Variants in SHTN1 observed in about 807,000 individuals in gnomAD.
SHTN1 encodes the protein shootin 1.
In SHTN1, 42 loss-of-function variants were observed where a neutral mutation model predicts 83.1. That is an observed-to-expected ratio of 0.51 (90% CI 0.39 to 0.65). The LOEUF (loss-of-function observed/expected upper bound fraction) is 0.65, where lower values mean the gene tolerates loss of function less well. SHTN1 is among the 30% of genes least tolerant of loss of function. The pLI is 0.00. For missense variants in SHTN1, 622 were observed against 737.8 expected (o/e 0.84, Z 1.82); for synonymous variants, 224 against 247.7 (o/e 0.90, Z 0.90).
chr10:117,065,233 T>C (rs1029934604), intron 1 of SHTN1, among the ~76,000 whole-genome samples: 2 of 152,112 alleles, frequency 1.3e-5, no homozygotes, highest in African/African-American at 4.8e-5. Flanking sequence ...AGATGACGGG[T>C]TGATAAGTGT....
chr10:117,122,352 T>G (rs917776305), intron 1 of SHTN1, among the ~76,000 whole-genome samples: 4 of 152,116 alleles, frequency 2.6e-5, no homozygotes, highest in Non-Finnish European at 5.9e-5. Flanking sequence ...GCTAACGTTT[T>G]TATTTTTGGT....
chr10:116,943,291 G>A (rs1249804315), intron 8 of SHTN1, among the ~76,000 whole-genome samples: 2 of 152,114 alleles, frequency 1.3e-5, no homozygotes, highest in African/African-American at 4.8e-5. Context: ...TGTCTTCTCT[G>A]CTACCACATG....
intron 1 of SHTN1, among the ~76,000 whole-genome samples, chr10:117,082,354 G>C (rs1314396833): frequency 6.8e-5 from 10 of 146,280 alleles, no homozygotes; most frequent in Non-Finnish European, 7.5e-5. Context: ...TTTTGAGTGA[G>C]ATTCTTAATC....
chr10:116,954,102 T>C lies in SHTN1; in HGVS notation c.376A>G (p.Thr126Ala). ...EINIDDEDST[T>A]DTDGAAETCV... ...GTCTCGGCGGCACCGTCTGTGTCTG[T>C]AGTCGAATCTTCATCATCAATGTTT... is the stretch of plus-strand genomic sequence containing the variant. Residue 126 changes from threonine to alanine, a missense_variant, in exon 5 of 17, where the codon ACA (threonine) becomes GCA (alanine). By Grantham distance (58) the Thr-to-Ala change is moderately conservative. Transcript: ENST00000355371. 5 of 1,613,988 alleles carry C rather than the reference T, an allele frequency of 3.1e-6. No individual in the cohort carries two copies. The highest frequency in any genetic ancestry group is 2.2e-5 in the East Asian group (1 of 44,892).
intron 11 of SHTN1, among the ~76,000 whole-genome samples, chr10:116,925,500 T>C (rs953819291): frequency 2.0e-5 from 3 of 152,208 alleles, no homozygotes; most frequent in South Asian, 2.1e-4. Context: ...ATTGACACTT[T>C]TGGGTGTCCA....
At chr10:116,910,921 T>A (rs916061012) in intron 14 of SHTN1, among the ~76,000 whole-genome samples, 7 of 152,246 alleles carry the variant, frequency 4.6e-5, no homozygotes. Flanking sequence ...GGGTTAAGTC[T>A]ACTGTTTAAA....
At chr10:117,076,145 T>C (rs1853149704) in intron 1 of SHTN1, among the ~76,000 whole-genome samples, 1 of 141,350 alleles carries the variant, frequency 7.1e-6, no homozygotes, top group Admixed American at 7.5e-5. Context: ...ATTGTTCCAC[T>C]GCACTCCAGC....
chr10:117,124,588 C>A (rs575049323), intron 1 of SHTN1, among the ~76,000 whole-genome samples: 1 of 152,094 alleles, frequency 6.6e-6, no homozygotes, highest in Non-Finnish European at 1.5e-5. Flanking sequence ...GCCTGGCCAA[C>A]GTGGTGAAAC....
At chr10:117,107,928 C>G (rs970146337) in intron 1 of SHTN1, among the ~76,000 whole-genome samples, 1 of 152,108 alleles carries the variant, frequency 6.6e-6, no homozygotes, top group Non-Finnish European at 1.5e-5. Flanking sequence ...TGGACTCAAG[C>G]GATCCTCCCA....
intron 1 of SHTN1, among the ~76,000 whole-genome samples, chr10:117,124,768 C>T (rs1291445430): frequency 3.3e-5 from 5 of 152,060 alleles, no homozygotes; most frequent in Admixed American, 3.3e-4. Context: ...AGTGAGACTC[C>T]GTCTCAAAAA....
At chr10:117,122,525 T>C (rs77915700) in intron 1 of SHTN1, among the ~76,000 whole-genome samples, 3,622 of 152,216 alleles carry the variant, frequency 0.024, 127 homozygotes, top group East Asian at 0.12. Context: ...TTGAAACAGG[T>C]ATATGAAAAA....
At chr10:116,934,473 G>T (rs1849082431) in intron 9 of SHTN1, among the ~76,000 whole-genome samples, 1 of 152,164 alleles carries the variant, frequency 6.6e-6, no homozygotes, top group African/African-American at 2.4e-5. Flanking sequence ...AGATCAGATG[G>T]TTGTAGATGT....
intron 2 of SHTN1, among the ~76,000 whole-genome samples, chr10:117,042,871 C>T (rs1218322179): frequency 6.6e-6 from 1 of 152,142 alleles, no homozygotes; most frequent in Non-Finnish European, 1.5e-5. Flanking sequence ...CCGCCTCAGC[C>T]TCCCAAAGTG....
intron 1 of SHTN1, among the ~76,000 whole-genome samples, chr10:117,125,782 C>G (rs989123746): frequency 2.0e-5 from 3 of 152,186 alleles, no homozygotes; most frequent in Non-Finnish European, 4.4e-5. Context: ...TGCTCCCACT[C>G]CACTGTGCTT....
chr10:117,032,242 C>T (rs1206755641), intron 2 of SHTN1, among the ~76,000 whole-genome samples: 1 of 152,156 alleles, frequency 6.6e-6, no homozygotes. Context: ...CTCACTCTGT[C>T]GCCCAGGCTG....
chr10:117,001,710 A>G (rs1478284677), intron 1 of SHTN1, among the ~76,000 whole-genome samples: 2 of 152,220 alleles, frequency 1.3e-5, no homozygotes, highest in Non-Finnish European at 2.9e-5. Context: ...AATGTATTAT[A>G]TATTTCAAAA....
chr10:116,968,648 G>A lies in SHTN1; in HGVS notation c.172+4C>T, dbSNP rs774509101. The A allele has an allele frequency of 2.2e-5, 36 of 1,602,836 alleles. No homozygotes were observed. Among genetic ancestry groups the A allele is most frequent in the South Asian group, 1.5e-4 (14 of 90,422 alleles). ...ATAATAATTCCACTGAAATGCTTAC[G>A]TACTTTTCTGAAATTCTTCCAGTTT... is the stretch of plus-strand genomic sequence containing the variant. On this transcript the variant is annotated splice_donor_region_variant and intron_variant, in intron 3 of 16. Transcript: ENST00000355371.
At chr10:116,930,973 T>C (rs948250671) in intron 9 of SHTN1, among the ~76,000 whole-genome samples, 11 of 152,166 alleles carry the variant, frequency 7.2e-5, no homozygotes, top group African/African-American at 2.4e-4. Context: ...ATTTCTCTAA[T>C]GATTAGTGAT....
Position 116,943,111 on chromosome 10 carries a change from C to T in SHTN1, c.711+1813G>A, listed in dbSNP as rs75719528. Among the ~76,000 whole-genome samples the T allele has an allele frequency of 2.4e-3, 368 of 152,314 alleles. 1 individual carries two copies. The highest frequency in any genetic ancestry group is 8.3e-3 in the African/African-American group (344 of 41,564). On this transcript the variant is annotated intron_variant, in intron 8 of 16. Transcript: ENST00000355371. ...CTGCAAATATTTATGCTGCCAATAA[C>T]GTAAGTACCATTGCTCTTGCTTTCT... is the stretch of plus-strand genomic sequence containing the variant.
Sources: allele counts gnomAD v4.1 joint callset (sites outside exome capture counted in the v4.1 genomes callset), GRCh38; gene constraint gnomAD v4.1.1; transcripts MANE v1.5; gene names NCBI Gene and HGNC (gene_info 2026-07-23, HGNC 2026-07-21).